TBL1X: variants seen among roughly 807,000 people sequenced by gnomAD.
TBL1X encodes transducin beta like 1 X-linked.
In TBL1X, 10 loss-of-function variants were observed where a neutral mutation model predicts 50.7. That is an observed-to-expected ratio of 0.20 (90% CI 0.12 to 0.33). The LOEUF (loss-of-function observed/expected upper bound fraction) is 0.33, where lower values mean the gene tolerates loss of function less well. Ranked by LOEUF, TBL1X falls within the 10% of genes least tolerant of loss-of-function variation. The pLI, the probability that TBL1X is intolerant of heterozygous loss-of-function variation, is 1.00. For synonymous variants in TBL1X, 190 were observed against 214.7 expected (o/e 0.88, Z 1.01); for missense variants, 340 against 504.4 (o/e 0.67, Z 3.12).
intron 1 of TBL1X, among the ~76,000 whole-genome samples, chrX:9,496,603 T>C (rs1235388534): frequency 8.9e-6 from 1 of 112,561 alleles, no homozygotes; most frequent in East Asian, 2.8e-4. Flanking sequence ...TGGAATCTTT[T>C]AAAGGTGCAA....
intron 2 of TBL1X, among the ~76,000 whole-genome samples, chrX:9,601,780 G>A (rs1486795149): frequency 1.8e-5 from 2 of 112,086 alleles, no homozygotes; most frequent in Non-Finnish European, 3.8e-5. Flanking sequence ...GCCGGGCGCA[G>A]TGGCTCACAC....
chrX:9,649,578 A>G (rs2082822721), intron 3 of TBL1X, among the ~76,000 whole-genome samples: 1 of 112,023 alleles, frequency 8.9e-6, no homozygotes, highest in African/African-American at 3.3e-5. Context: ...TGGAAGAAAG[A>G]AAGATGTATA....
chrX:9,648,057 C>T (rs967788643), intron 3 of TBL1X, among the ~76,000 whole-genome samples: 2 of 111,044 alleles, frequency 1.8e-5, no homozygotes, highest in Non-Finnish European at 3.8e-5. Flanking sequence ...CCCTCCAATC[C>T]CAGGGCTAGA....
chrX:9,515,806 T>C (rs2082078722), intron 2 of TBL1X, among the ~76,000 whole-genome samples: 1 of 111,803 alleles, frequency 8.9e-6, no homozygotes, highest in African/African-American at 3.3e-5. Context: ...GGGTTTGATC[T>C]GTCTGTGGAG....
chrX:9,709,386 G>A (rs2146657655), intron 14 of TBL1X, 64 bp downstream of exon 14: 1 of 1,113,551 alleles, frequency 9.0e-7, no homozygotes, highest in East Asian at 3.0e-5. Context: ...CTTGATGCCA[G>A]TCTCACGGTC....
At chrX:9,548,523 A>C (rs2082256286) in intron 2 of TBL1X, among the ~76,000 whole-genome samples, 1 of 112,157 alleles carries the variant, frequency 8.9e-6, no homozygotes, top group Non-Finnish European at 1.9e-5. Context: ...CCTTATTATC[A>C]AAGCGTGAAA....
chrX:9,547,981 T>C (rs2082253200), intron 2 of TBL1X, among the ~76,000 whole-genome samples: 1 of 100,212 alleles, frequency 1.0e-5, no homozygotes, highest in Admixed American at 1.2e-4. Flanking sequence ...TCCATTCTCT[T>C]CTATAGGACA....
At chrX:9,574,245 C>T (rs999318177) in intron 2 of TBL1X, among the ~76,000 whole-genome samples, 4 of 108,931 alleles carry the variant, frequency 3.7e-5, no homozygotes, top group African/African-American at 1.3e-4. Flanking sequence ...GCTCAGGAGT[C>T]CGAGACCAGC....
intron 2 of TBL1X, among the ~76,000 whole-genome samples, chrX:9,608,296 G>A (rs905740991): frequency 4.5e-5 from 5 of 111,859 alleles, no homozygotes; most frequent in African/African-American, 1.6e-4. Context: ...GTTGGGTTGC[G>A]ATTAATGTTT....
intron 2 of TBL1X, among the ~76,000 whole-genome samples, chrX:9,599,141 A>G (rs1569070656): frequency 9.1e-6 from 1 of 109,322 alleles, no homozygotes; most frequent in Non-Finnish European, 1.9e-5. Flanking sequence ...ACGGGGTTTC[A>G]CCGTGTTGGC....
chrX:9,527,054 C>T (rs1267156995), intron 2 of TBL1X, among the ~76,000 whole-genome samples: 1 of 112,041 alleles, frequency 8.9e-6, no homozygotes, highest in Non-Finnish European at 1.9e-5. Flanking sequence ...CAGGCGTGGG[C>T]AGGGAGATCG....
intron 2 of TBL1X, among the ~76,000 whole-genome samples, chrX:9,510,031 G>A (rs1486345900): frequency 9.0e-6 from 1 of 111,304 alleles, no homozygotes; most frequent in Non-Finnish European, 1.9e-5. Flanking sequence ...AACTGACAGC[G>A]TTCCCTCTAG....
chrX:9,596,912 A>G (rs559627509), intron 2 of TBL1X, among the ~76,000 whole-genome samples: 1 of 111,044 alleles, frequency 9.0e-6, no homozygotes, highest in Admixed American at 9.6e-5. Flanking sequence ...ATTATTCTAG[A>G]TGCCGATTTA....
At chrX:9,689,431 ATAGGGTGACAGAAAGGC>A (rs2083084194) in intron 7 of TBL1X, among the ~76,000 whole-genome samples, 1 of 112,284 alleles carries the variant, frequency 8.9e-6, no homozygotes. Flanking sequence ...TTCTATTGCA[ATAGGGTGACAGAAAGGC>A]CACCTGCCTC....
chrX:9,625,650 C>G (rs1454627311), intron 2 of TBL1X, among the ~76,000 whole-genome samples: 1 of 112,597 alleles, frequency 8.9e-6, no homozygotes, highest in Non-Finnish European at 1.9e-5. Flanking sequence ...AAAGAAAATG[C>G]AAACTAGGCC....
upstream of TBL1X, chrX:9,463,380 A>G (rs2081748302): frequency 8.9e-6 from 1 of 111,873 alleles, no homozygotes; most frequent in East Asian, 2.8e-4. Flanking sequence ...AGGCCCCACC[A>G]TGTCCTTCTG....
intron 2 of TBL1X, among the ~76,000 whole-genome samples, chrX:9,569,185 ATC>A (rs769382552): frequency 1.1e-5 from 1 of 93,314 alleles, no homozygotes; most frequent in East Asian, 3.5e-4. Flanking sequence ...TGTTGTGTCT[ATC>A]TGTGCAGTGT....
intron 12 of TBL1X, among the ~76,000 whole-genome samples, chrX:9,700,726 C>T (rs1243160878): frequency 9.0e-6 from 1 of 111,405 alleles, no homozygotes; most frequent in Non-Finnish European, 1.9e-5. Flanking sequence ...CCTTGCCCCA[C>T]TAGCTTTTCC....
chrX:9,702,441 C>CA (rs368394481), intron 12 of TBL1X, among the ~76,000 whole-genome samples: 2,105 of 44,990 alleles, frequency 0.047, 104 homozygotes, highest in African/African-American at 0.14. Context: ...GATCCTGTCT[C>CA]AAAAAAAAAA....
Sources: allele counts gnomAD v4.1 joint callset (sites outside exome capture counted in the v4.1 genomes callset), GRCh38; gene constraint gnomAD v4.1.1; transcripts MANE v1.5; gene names NCBI Gene and HGNC (gene_info 2026-07-23, HGNC 2026-07-21).